DENND5B: variants seen among roughly 807,000 people sequenced by gnomAD.
DENND5B encodes the protein DENN domain-containing protein 5B.
A neutral mutation model predicts 140.6 loss-of-function variants in DENND5B; 34 were observed. The ratio of observed to expected loss-of-function variants is 0.24; its 90% CI spans 0.18 to 0.32. DENND5B has a LOEUF of 0.32. Ranked by LOEUF, DENND5B falls within the 10% of genes least tolerant of loss-of-function variation. The pLI is 1.00. For synonymous variants in DENND5B, 551 were observed against 562.1 expected (o/e 0.98, Z 0.28); for missense variants, 1,142 against 1,560.2 (o/e 0.73, Z 4.52).
At chr12:31,579,380 G>A (rs1256216086) in intron 1 of DENND5B, among the ~76,000 whole-genome samples, 4 of 152,132 alleles carry the variant, frequency 2.6e-5, no homozygotes, top group Non-Finnish European at 5.9e-5. Context: ...AAGTAATGGA[G>A]GCCAGGCGCA....
intron 2 of DENND5B, among the ~76,000 whole-genome samples, chr12:31,489,740 G>A (rs915039274): frequency 3.6e-5 from 4 of 110,620 alleles, no homozygotes; most frequent in Admixed American, 1.1e-4. Flanking sequence ...AACTGAGATA[G>A]GTGCTACAAA....
intron 1 of DENND5B, among the ~76,000 whole-genome samples, chr12:31,562,692 T>G (rs761664517): frequency 7.2e-5 from 11 of 152,142 alleles, no homozygotes; most frequent in Non-Finnish European, 1.3e-4. Context: ...ATAGCAGTTT[T>G]GTAAGAAAAA....
intron 3 of DENND5B, chr12:31,477,407 G>A (rs1404102798): frequency 6.6e-6 from 1 of 152,164 alleles, no homozygotes; most frequent in African/African-American, 2.4e-5. Flanking sequence ...TGATCTGTAA[G>A]TAATAATGGA....
intron 8 of DENND5B, among the ~76,000 whole-genome samples, chr12:31,428,457 A>G (rs1261106058): frequency 6.6e-6 from 1 of 151,948 alleles, no homozygotes; most frequent in East Asian, 1.9e-4. Context: ...GCTGAACAGC[A>G]GTGGTGCAAT....
At chr12:31,460,055 C>T (rs1008157292) in intron 4 of DENND5B, 139 bp downstream of exon 4, 17 of 795,768 alleles carry the variant, frequency 2.1e-5, no homozygotes, top group Non-Finnish European at 3.1e-5. Context: ...ATAGCTCAGG[C>T]TCTCCCCTAG....
chr12:31,496,050 G>A, intron 1 of DENND5B, 131 bp from the exon 2 acceptor site: 1 of 563,584 alleles, frequency 1.8e-6, no homozygotes, highest in Non-Finnish European at 2.9e-6. Flanking sequence ...CTAACCATCT[G>A]TATTGTAAAA....
chr12:31,428,970 ATCCACCCGCCTCGGCC>A (rs1399137443), intron 8 of DENND5B, among the ~76,000 whole-genome samples: 1 of 151,968 alleles, frequency 6.6e-6, no homozygotes, highest in African/African-American at 2.4e-5. Context: ...TGACCTCGTG[ATCCACCCGCCTCGGCC>A]TCCCAAAGTG....
intron 1 of DENND5B, among the ~76,000 whole-genome samples, chr12:31,507,580 A>T (rs1947251557): frequency 6.6e-6 from 1 of 152,208 alleles, no homozygotes; most frequent in Non-Finnish European, 1.5e-5. Context: ...AAAGTTTTTG[A>T]TCCTAGCCCA....
rs373405342 is a variant in DENND5B, at chr12:31,454,735, G to C, written c.1093-2259C>G. On this transcript the variant is annotated intron_variant, in intron 4 of 20. Coordinates refer to ENST00000389082, the MANE Select transcript of DENND5B (RefSeq NM_144973.4). ...TGGGATTATAGGTGTGAGCCACTGC[G>C]CCTGGCCGGCCTACACCATTCTTTA... Among the ~76,000 whole-genome samples, 81 of 151,118 alleles carry C rather than the reference G, an allele frequency of 5.4e-4. No individual in the cohort carries two copies. In the East Asian group the frequency reaches 0.012, roughly 23 times the overall value.
At chr12:31,516,583 A>C (rs1565656181) in intron 1 of DENND5B, among the ~76,000 whole-genome samples, 1 of 151,904 alleles carries the variant, frequency 6.6e-6, no homozygotes, top group Non-Finnish European at 1.5e-5. Context: ...CATTGATGAT[A>C]GCAGTCATTT....
At chr12:31,481,416 T>C (rs1486272422) in intron 2 of DENND5B, among the ~76,000 whole-genome samples, 1 of 152,146 alleles carries the variant, frequency 6.6e-6, no homozygotes, top group Non-Finnish European at 1.5e-5. Context: ...ACAGGTAAGT[T>C]TTAAAAATCA....
chr12:31,396,609 A>G (rs1941485843), intron 17 of DENND5B: 1 of 152,462 alleles, frequency 6.6e-6, no homozygotes, highest in Non-Finnish European at 1.5e-5. Flanking sequence ...AAACTATTTA[A>G]AATTGGCACC....
chr12:31,494,195 TCCATCCAC>T (rs1451103085), intron 2 of DENND5B, among the ~76,000 whole-genome samples: 28 of 105,972 alleles, frequency 2.6e-4, no homozygotes, highest in African/African-American at 9.6e-4. Flanking sequence ...CATCCATCCA[TCCATCCAC>T]CTACCTACCT....
chr12:31,517,280 C>G (rs1947696379), intron 1 of DENND5B, among the ~76,000 whole-genome samples: 1 of 152,204 alleles, frequency 6.6e-6, no homozygotes, highest in African/African-American at 2.4e-5. Flanking sequence ...ACTTGATTAT[C>G]TAATATAGGC....
chr12:31,507,031 C>A (rs1223638039), intron 1 of DENND5B, among the ~76,000 whole-genome samples: 1 of 152,230 alleles, frequency 6.6e-6, no homozygotes, highest in Non-Finnish European at 1.5e-5. Context: ...GTCCCAACCA[C>A]ATAGTTGGTC....
At chr12:31,489,911 A>G (rs1267583753) in intron 2 of DENND5B, among the ~76,000 whole-genome samples, 4 of 152,228 alleles carry the variant, frequency 2.6e-5, no homozygotes, top group Non-Finnish European at 4.4e-5. Context: ...AGCCTTCCAG[A>G]GAGAAGGAAC....
At chr12:31,576,088 C>T (rs1950003722) in intron 1 of DENND5B, among the ~76,000 whole-genome samples, 1 of 148,282 alleles carries the variant, frequency 6.7e-6, no homozygotes, top group Non-Finnish European at 1.5e-5. Context: ...TTACAGTGAG[C>T]TATGACTGTG....
intron 1 of DENND5B, among the ~76,000 whole-genome samples, chr12:31,534,134 G>A (rs1214443698): frequency 1.3e-5 from 2 of 151,772 alleles, no homozygotes; most frequent in Non-Finnish European, 2.9e-5. Flanking sequence ...AAAATAATCA[G>A]TTTCTGTTCA....
chr12:31,423,733 C>G, intron 10 of DENND5B, 58 bp from the exon 11 acceptor site: 1 of 1,555,270 alleles, frequency 6.4e-7, no homozygotes, highest in South Asian at 1.1e-5. Flanking sequence ...AAAATAATTT[C>G]TCATCCAAAT....
Sources: allele counts gnomAD v4.1 joint callset (sites outside exome capture counted in the v4.1 genomes callset), GRCh38; gene constraint gnomAD v4.1.1; transcripts MANE v1.5; gene names NCBI Gene and HGNC (gene_info 2026-07-23, HGNC 2026-07-21).